The following MVB12B variants were observed in gnomAD, a reference collection of about 807,000 sequenced individuals.
MVB12B encodes the protein ESCRT-I complex subunit MVB12B.
MVB12B carries 16 observed loss-of-function variants against 41.6 expected under a neutral mutation model. That is an observed-to-expected ratio of 0.38 (90% CI 0.26 to 0.58). The LOEUF is 0.58. Ranked by LOEUF, MVB12B falls within the 20% of genes least tolerant of loss-of-function variation. The probability of loss-of-function intolerance (pLI) is 0.62; values close to 1 mark genes in which losing one functional copy is unlikely to be tolerated. For missense variants in MVB12B, 274 were observed against 380.2 expected (o/e 0.72, Z 2.32); for synonymous variants, 133 against 139.7 (o/e 0.95, Z 0.34).
At chr9:126,446,842 T>C (rs1278575407) in intron 7 of MVB12B, among the ~76,000 whole-genome samples, 1 of 151,852 alleles carries the variant, frequency 6.6e-6, no homozygotes, top group Admixed American at 6.6e-5. Flanking sequence ...TATTTGTCTT[T>C]CCAAATAACT....
chr9:126,467,749 G>T (rs1399799946), intron 7 of MVB12B, among the ~76,000 whole-genome samples: 2 of 152,156 alleles, frequency 1.3e-5, no homozygotes, highest in African/African-American at 4.8e-5. Context: ...ATGCCCTTCT[G>T]CTGTGTTCCC....
intron 8 of MVB12B, among the ~76,000 whole-genome samples, chr9:126,483,335 T>A (rs1833563951): frequency 6.6e-6 from 1 of 152,222 alleles, no homozygotes; most frequent in Non-Finnish European, 1.5e-5. Context: ...AGCATTTTTT[T>A]AAGTCTCCAA....
rs559230685 is a variant in MVB12B, at chr9:126,506,304, A to G, written c.*3041A>G. 1.3e-5 allele frequency: 2 copies of G among 152,660 alleles called. No individual in the cohort carries two copies. Among genetic ancestry groups the G allele is most frequent in the African/African-American group, 4.8e-5 (2 of 41,492 alleles). 9.5% of individuals were successfully genotyped at this position (152,660 alleles called of 1,614,324 possible). ...TTCTCCTTTCATTCCCCCTAAAAAC[A>G]GAGTGACCTGGAAGTAGATGTTCTT... On this transcript the variant is annotated 3_prime_UTR_variant, in exon 10 of 10. Coordinates refer to ENST00000361171, the MANE Select transcript of MVB12B (RefSeq NM_033446.3).
At chr9:126,449,269 AC>A (rs553220824) in intron 7 of MVB12B, among the ~76,000 whole-genome samples, 5 of 152,112 alleles carry the variant, frequency 3.3e-5, no homozygotes, top group Admixed American at 2.0e-4. Context: ...TACAAATACA[AC>A]CTGCAGAAGT....
In MVB12B at chr9:126,503,470, A is replaced by G; in HGVS notation, c.*207A>G. 2 of 595,354 alleles carry G rather than the reference A, an allele frequency of 3.4e-6. No homozygotes were observed. Among genetic ancestry groups the G allele is most frequent in the Admixed American group, 3.0e-5 (1 of 33,674 alleles). 36.9% of individuals were successfully genotyped at this position (595,354 alleles called of 1,614,324 possible). On this transcript the variant is annotated 3_prime_UTR_variant, in exon 10 of 10. Coordinates refer to ENST00000361171, the MANE Select transcript of MVB12B (RefSeq NM_033446.3). Reference sequence around the variant, plus strand: ...CCCGGCCTCCCTGGGGACATTGTTCATAACCATGACTAATCTGTGTGTGCT... The same window carrying G: ...CCCGGCCTCCCTGGGGACATTGTTCGTAACCATGACTAATCTGTGTGTGCT...
intron 9 of MVB12B, among the ~76,000 whole-genome samples, chr9:126,496,533 G>T (rs1045736377): frequency 1.3e-5 from 2 of 150,376 alleles, no homozygotes; most frequent in Admixed American, 6.6e-5. Context: ...TACAGCTGAG[G>T]CTCCACAGCT....
chr9:126,396,059 A>G, intron 6 of MVB12B: 10 of 1,029,884 alleles, frequency 9.7e-6, no homozygotes, highest in African/African-American at 1.7e-5. Flanking sequence ...TGTCTTGGCC[A>G]GCAACTCATT....
At chr9:126,380,593 A>G (rs1039445255) in intron 2 of MVB12B, among the ~76,000 whole-genome samples, 26 of 152,270 alleles carry the variant, frequency 1.7e-4, no homozygotes, top group African/African-American at 5.8e-4. Context: ...CCCAGCCTCC[A>G]GTAGAATCCC....
chr9:126,419,947 C>A (rs764465959), intron 6 of MVB12B, among the ~76,000 whole-genome samples: 41 of 152,098 alleles, frequency 2.7e-4, no homozygotes, highest in Non-Finnish European at 5.1e-4. Flanking sequence ...TGAACCCAAG[C>A]CTCTTGTAAT....
In MVB12B at chr9:126,376,700, G is replaced by A. The variant is rs557693105; in HGVS notation, c.205-4364G>A. 508 of 1,267,288 alleles carry A rather than the reference G, an allele frequency of 4.0e-4. No individual in the cohort carries two copies. In the Middle Eastern group the frequency reaches 7.3e-3, roughly 18 times the overall value. The allele number at this position is 1,267,288 out of a possible 1,614,324, so 78.5% of individuals were successfully genotyped here. A position where few individuals can be genotyped will look rare whatever the true frequency, so the allele number is the denominator to read the frequency against. Reference sequence around the variant, plus strand: ...TACGCTTGGTTACTCAATTACCCTCGTTTCCACTCTGAAGTTGCACCTCCT... The same window carrying A: ...TACGCTTGGTTACTCAATTACCCTCATTTCCACTCTGAAGTTGCACCTCCT... On this transcript the variant is annotated intron_variant, in intron 2 of 9. Transcript: ENST00000361171. This position sits in a 1 kb window ranked among gnomAD's most constrained non-coding sequence, Gnocchi z 4.1.
At chr9:126,462,251 CT>C (rs1833105796) in intron 7 of MVB12B, among the ~76,000 whole-genome samples, 1 of 152,210 alleles carries the variant, frequency 6.6e-6, no homozygotes, top group South Asian at 2.1e-4. Flanking sequence ...CCACAGGGCA[CT>C]GGTACGAAGA....
At chr9:126,456,161 G>A (rs1832982592) in intron 7 of MVB12B, among the ~76,000 whole-genome samples, 1 of 152,096 alleles carries the variant, frequency 6.6e-6, no homozygotes, top group African/African-American at 2.4e-5. Context: ...AAAGTGCTGG[G>A]ATTGCAGGCA....
chr9:126,397,008 A>G, intron 6 of MVB12B: 1 of 985,556 alleles, frequency 1.0e-6, no homozygotes, highest in Non-Finnish European at 1.2e-6. Context: ...AGGCTATATC[A>G]GGTGTGTCAC....
chr9:126,327,062 C>CGGGA (rs1828995339), intron 1 of MVB12B, 52 bp downstream of exon 1: 1 of 140,404 alleles, frequency 7.1e-6, no homozygotes, highest in South Asian at 2.5e-4. Flanking sequence ...GCCCTGCAGC[C>CGGGA]GGGAGGGCGG....
intron 6 of MVB12B, among the ~76,000 whole-genome samples, chr9:126,416,582 G>A (rs142146932): frequency 2.1e-4 from 32 of 152,302 alleles, no homozygotes; most frequent in African/African-American, 7.2e-4. Context: ...TGATTGAGTA[G>A]TCTCATTTTA....
rs905780694 is a variant in MVB12B, at chr9:126,376,634, C to T, written c.205-4430C>T. On this transcript the variant is annotated intron_variant, in intron 2 of 9. Coordinates refer to ENST00000361171, the MANE Select transcript of MVB12B (RefSeq NM_033446.3). The surrounding 1 kb of genome is among the most constrained non-coding windows in gnomAD (Gnocchi z 4.1). ...GGCTGGAAGCAAGAAGGAGGGTAAG[C>T]GCGGGTGGCAGGGAGGGGCCTGCCA... is the stretch of plus-strand genomic sequence containing the variant. 6.2e-6 allele frequency: 8 copies of T among 1,289,026 alleles called. No homozygotes were observed. The East Asian group carries it at 3.9e-4, about 63-fold the overall frequency. 79.8% of individuals were successfully genotyped at this position (1,289,026 alleles called of 1,614,324 possible).
At chr9:126,369,810 C>T (rs1382243042) in intron 2 of MVB12B, among the ~76,000 whole-genome samples, 1 of 152,098 alleles carries the variant, frequency 6.6e-6, no homozygotes, top group Non-Finnish European at 1.5e-5. Context: ...TGTGCCACCA[C>T]ACCCAGCTAA....
At chr9:126,451,582 C>G (rs1832889004) in intron 7 of MVB12B, among the ~76,000 whole-genome samples, 1 of 152,056 alleles carries the variant, frequency 6.6e-6, no homozygotes, top group African/African-American at 2.4e-5. Context: ...ATCCCCAGCT[C>G]CCAAAGCAGT....
rs549226732 is a variant in MVB12B at position 126,459,437 on chromosome 9, CCTT to C, written c.758-21930_758-21928del. On this transcript the variant is annotated intron_variant, in intron 7 of 9. Transcript: ENST00000361171. The surrounding 1 kb of genome is among the most constrained non-coding windows in gnomAD (Gnocchi z 4.3). Reference sequence around the variant, plus strand: ...ACTGCCTGCCCCTAGCATGGTTAGTCCTTCCGGGTAATGGAGAGTCCTGTTGCT... The same window carrying C: ...ACTGCCTGCCCCTAGCATGGTTAGTCCCGGGTAATGGAGAGTCCTGTTGCT... Among the ~76,000 whole-genome samples the C allele has an allele frequency of 5.2e-4, 79 of 152,320 alleles. No individual in the cohort carries two copies. Among genetic ancestry groups the C allele is most frequent in the African/African-American group, 1.9e-3 (77 of 41,566 alleles).
Sources: allele counts gnomAD v4.1 joint callset (sites outside exome capture counted in the v4.1 genomes callset), GRCh38; gene constraint gnomAD v4.1.1; non-coding constraint Gnocchi (gnomAD v3.1); transcripts MANE v1.5; gene names NCBI Gene and HGNC (gene_info 2026-07-23, HGNC 2026-07-21).